RAD51AP2: variants seen among roughly 807,000 people sequenced by gnomAD.
RAD51AP2 encodes the protein RAD51 associated protein 2, also known as RAD51-associated protein 2.
A neutral mutation model predicts 85.5 loss-of-function variants in RAD51AP2; 67 were observed. The ratio of observed to expected loss-of-function variants is 0.78; its 90% CI spans 0.64 to 0.96. RAD51AP2 has a LOEUF of 0.96. Among genes scored for constraint, RAD51AP2 ranks in the 40% least tolerant of loss-of-function variants. The pLI, the probability that RAD51AP2 is intolerant of heterozygous loss-of-function variation, is 0.00. For synonymous variants in RAD51AP2, 474 were observed against 446.5 expected, an observed-to-expected ratio of 1.06 and a Z score of -0.78; for missense variants, 1,307 against 1,332.4, an observed-to-expected ratio of 0.98 and a Z score of 0.30.
Position 17,512,463 on chromosome 2 carries a change from T to G in RAD51AP2, c.3329-1508A>C, listed in dbSNP as rs1572290684. Among the ~76,000 whole-genome samples, 4 of 152,348 alleles carry G rather than the reference T, an allele frequency of 2.6e-5. 1 individual carries two copies. In the South Asian group the frequency reaches 8.3e-4, roughly 32 times the overall value. ...AATAATTCTGGCTGAATTCATACAT[T>G]ATTTTTGACATTTCACAACATGTCA... On this transcript the variant is annotated intron_variant, in intron 2 of 2. Transcript: ENST00000399080.
intron 2 of RAD51AP2, among the ~76,000 whole-genome samples, chr2:17,511,654 G>A (rs1662498322): frequency 6.6e-6 from 1 of 152,056 alleles, no homozygotes; most frequent in Admixed American, 6.6e-5. Context: ...AAACTTTATT[G>A]AATCAGTATG....
chr2:17,520,755 C>CTTT (rs35395483), upstream of RAD51AP2, among the ~76,000 whole-genome samples: 1 of 133,488 alleles, frequency 7.5e-6, no homozygotes, highest in African/African-American at 2.5e-5. Context: ...CTTTCAGCTT[C>CTTT]TTTTTTTTTT....
the RAD51AP2 span, among the ~76,000 whole-genome samples, chr2:17,532,576 A>C: frequency 5.3e-5 from 8 of 152,208 alleles, no homozygotes; most frequent in Non-Finnish European, 1.2e-4. Flanking sequence ...TTTAGTGTCC[A>C]GAACAAACAG....
Position 17,515,151 on chromosome 2 carries a change from C to G in RAD51AP2, c.3247+18G>C. ...TTTTTCTAGCATGAGAAATAATGTTCTAAAATGAATTTCATACCTTTCTCA... is the reference window on the plus strand; with the variant it reads ...TTTTTCTAGCATGAGAAATAATGTTGTAAAATGAATTTCATACCTTTCTCA... On this transcript the variant is annotated intron_variant, in intron 1 of 2. Transcript: ENST00000399080. 1 of 1,524,030 alleles carries G rather than the reference C, an allele frequency of 6.6e-7. No individual in the cohort carries two copies. Among genetic ancestry groups the G allele is most frequent in the Non-Finnish European group, 8.8e-7 (1 of 1,139,516 alleles). The allele number at this position is 1,524,030 out of a possible 1,614,324, so 94.4% of individuals were successfully genotyped here. A position where few individuals can be genotyped will look rare whatever the true frequency, so the allele number is the denominator to read the frequency against.
In RAD51AP2 at chr2:17,517,126, C is replaced by T; in HGVS notation, c.1290G>A (p.Trp430Ter). Residue 430 changes from tryptophan (W) to a stop codon, truncating the protein, a stop_gained, in exon 1 of 3, where the codon TGG (tryptophan) becomes TGA (stop). Coordinates refer to ENST00000399080, the MANE Select transcript of RAD51AP2 (RefSeq NM_001099218.3). LOFTEE classifies it high-confidence loss of function. ...CTATTTCTAATAATAATAGCCAATTCCATTTTTCTTCAGTTTTTTTCATAT... is the reference window on the plus strand; with the variant it reads ...CTATTTCTAATAATAATAGCCAATTTCATTTTTCTTCAGTTTTTTTCATAT... ...CENMKKTEEK[W>*]NWLLLLEIDL... The T allele has an allele frequency of 6.2e-7, 1 of 1,610,942 alleles. No homozygotes were observed. The highest frequency in any genetic ancestry group is 1.1e-5 in the South Asian group (1 of 90,356).
the RAD51AP2 span, among the ~76,000 whole-genome samples, chr2:17,524,672 T>G: frequency 6.6e-6 from 1 of 151,940 alleles, no homozygotes; most frequent in South Asian, 2.1e-4. Context: ...TTACACTAAA[T>G]TATTAGCTCT....
Position 17,516,840 on chromosome 2 carries a change from CT to C in RAD51AP2, c.1575del (p.Asp526IlefsTer5). ...YFHKSISGNK[K>X]DNSILTCCNI... ...TTACAGCAGGTTAAAATACTATTAT[CT>C]TTTTTATTTCCTGAAATACTTTTAT... On this transcript the variant is annotated frameshift_variant, in exon 1 of 3. Coordinates refer to ENST00000399080, the MANE Select transcript of RAD51AP2 (RefSeq NM_001099218.3). LOFTEE classifies it high-confidence loss of function. 2 of 1,545,656 alleles carry C rather than the reference CT, an allele frequency of 1.3e-6. No individual in the cohort carries two copies. Among genetic ancestry groups the C allele is most frequent in the Non-Finnish European group, 1.7e-6 (2 of 1,146,560 alleles).
the RAD51AP2 span, among the ~76,000 whole-genome samples, chr2:17,529,305 C>T: frequency 1.3e-4 from 19 of 151,416 alleles, no homozygotes; most frequent in African/African-American, 4.6e-4. Flanking sequence ...TTTAGAATTA[C>T]TAAAAAACAA....
In RAD51AP2 at chr2:17,516,772, T is replaced by C; in HGVS notation, c.1644A>G (p.Gln548=). Reference sequence around the variant, plus strand: ...TATTCATGTTTCTGGTTATTAGATTTTGAATACCAATTATACCAATTTGCT... The same window carrying C: ...TATTCATGTTTCTGGTTATTAGATTCTGAATACCAATTATACCAATTTGCT... ...CKKQIGIIGI[Q]NLITRNMNTN... The change falls in exon 1 of 3, where the codon CAA becomes CAG. Residue 548 remains glutamine (Q), a synonymous_variant. Coordinates refer to ENST00000399080, the MANE Select transcript of RAD51AP2 (RefSeq NM_001099218.3). 2 of 1,563,222 alleles carry C rather than the reference T, an allele frequency of 1.3e-6. No individual in the cohort carries two copies. Among genetic ancestry groups the C allele is most frequent in the Non-Finnish European group, 1.7e-6 (2 of 1,150,230 alleles).
rs569304147 is a variant in RAD51AP2, at chr2:17,515,739, G to A, written c.2677C>T (p.Gln893Ter). 1.3e-4 allele frequency: 206 copies of A among 1,596,680 alleles called. No individual in the cohort carries two copies. The highest frequency in any genetic ancestry group is 9.6e-4 in the Admixed American group (55 of 57,560). Reference sequence around the variant, plus strand: ...TCATTTGTATTTGTTACATAATTTTGATTAACATATTTATTTTCTTCCACA... The same window carrying A: ...TCATTTGTATTTGTTACATAATTTTAATTAACATATTTATTTTCTTCCACA... The part of the protein sequence containing the change: ...VNVEENKYVN[Q>*]NYVTNTNEYE... The change falls in exon 1 of 3, where the codon CAA (glutamine) becomes TAA (stop). Residue 893 changes from glutamine (Q) to a stop codon, truncating the protein, a stop_gained. Transcript: ENST00000399080. LOFTEE classifies it high-confidence loss of function.
intron 1 of RAD51AP2, among the ~76,000 whole-genome samples, chr2:17,514,541 G>GC (rs1381815626): frequency 1.3e-5 from 2 of 151,732 alleles, no homozygotes; most frequent in Non-Finnish European, 2.9e-5. Context: ...GGCGGCGGGG[G>GC]GGGTGGATCA....
upstream of RAD51AP2, among the ~76,000 whole-genome samples, chr2:17,518,668 C>T (rs531341474): frequency 9.9e-5 from 15 of 151,864 alleles, no homozygotes; most frequent in Middle Eastern, 3.4e-3. Flanking sequence ...TCGGAGCACC[C>T]TGGGCCGTTA....
At position 17,515,487 on chromosome 2, in the gene RAD51AP2, T is replaced by TA; in HGVS notation, c.2928dup (p.Met977TyrfsTer4). 2 of 1,613,376 alleles carry TA rather than the reference T, an allele frequency of 1.2e-6. No individual in the cohort carries two copies. The highest frequency in any genetic ancestry group is 1.7e-6 in the Non-Finnish European group (2 of 1,179,688). ...TTTTCCCTACTAATTTCATGAAACA[T>TA]ACGAAGTTCTTCAAGTACTAAGTCA... is the stretch of plus-strand genomic sequence containing the variant. On this transcript the variant is annotated frameshift_variant, in exon 1 of 3. Transcript: ENST00000399080. LOFTEE classifies it high-confidence loss of function.
At chr2:17,518,518 C>T (rs1299287643), upstream of RAD51AP2, 1 of 1,436,988 alleles carries the variant, frequency 7.0e-7, no homozygotes, top group Non-Finnish European at 9.3e-7. Flanking sequence ...CCCCTCAAGA[C>T]CTGGCCTTAG....
chr2:17,525,014 A>C, the RAD51AP2 span, among the ~76,000 whole-genome samples: 2 of 151,856 alleles, frequency 1.3e-5, no homozygotes, highest in African/African-American at 4.8e-5. Context: ...AGAGACAAAG[A>C]AAGTGGGGAA....
upstream of RAD51AP2, among the ~76,000 whole-genome samples, chr2:17,521,409 A>G (rs1662854217): frequency 1.3e-5 from 2 of 152,062 alleles, no homozygotes; most frequent in South Asian, 4.1e-4. Context: ...TTTCCCTTTT[A>G]CTTCTTTTAA....
At chr2:17,536,594 G>A in the RAD51AP2 span, among the ~76,000 whole-genome samples, 3 of 152,122 alleles carry the variant, frequency 2.0e-5, no homozygotes, top group Admixed American at 6.5e-5. Flanking sequence ...AATCTTTCAC[G>A]GTGATTCATC....
At chr2:17,531,684 T>C in the RAD51AP2 span, among the ~76,000 whole-genome samples, 1 of 152,240 alleles carries the variant, frequency 6.6e-6, no homozygotes, top group South Asian at 2.1e-4. Context: ...GTGATCAGTA[T>C]ACCTAATCCG....
chr2:17,518,206 G>A lies in RAD51AP2; in HGVS notation c.210C>T (p.Pro70=). 6.2e-7 allele frequency: 1 copy of A among 1,614,132 alleles called. No individual in the cohort carries two copies. The highest frequency in any genetic ancestry group is 8.5e-7 in the Non-Finnish European group (1 of 1,180,004). Reference sequence around the variant, plus strand: ...TCGTTGAAACAAGGAGTCCCTTGAAGGGTCTAGGGGACAACTCCCAGACTT... The same window carrying A: ...TCGTTGAAACAAGGAGTCCCTTGAAAGGTCTAGGGGACAACTCCCAGACTT... ...AEKVWELSPR[P]FKGLLVSTNA... is the part of the protein sequence containing the mutation. Residue 70 remains proline (P), a synonymous_variant, in exon 1 of 3, where the codon CCC becomes CCT. Coordinates refer to ENST00000399080, the MANE Select transcript of RAD51AP2 (RefSeq NM_001099218.3).
Sources: gnomAD v4.1 joint callset for allele counts (sites outside exome capture counted in the v4.1 genomes callset) on GRCh38, gnomAD v4.1.1 for gene constraint, MANE v1.5 for transcripts, NCBI Gene and HGNC (gene_info 2026-07-23, HGNC 2026-07-21) for gene names.